Variants in NKAIN3 observed in about 807,000 individuals in gnomAD.
NKAIN3 encodes the protein sodium/potassium transporting ATPase interacting 3, also known as sodium/potassium-transporting ATPase subunit beta-1-interacting protein 3.
In NKAIN3, 25 loss-of-function variants were observed where a neutral mutation model predicts 30.2. The ratio of observed to expected loss-of-function variants is 0.83; its 90% CI spans 0.60 to 1.16. The LOEUF (loss-of-function observed/expected upper bound fraction) is 1.16. Ranked by LOEUF, NKAIN3 falls within the 50% of genes most tolerant of loss-of-function variation. The pLI is 0.00. For missense variants in NKAIN3, 225 were observed against 254.1 expected (o/e 0.89, Z 0.78); for synonymous variants, 91 against 89.6 (o/e 1.02, Z -0.09).
At chr8:62,385,178 G>A (rs147650552) in intron 1 of NKAIN3, among the ~76,000 whole-genome samples, 1 of 152,214 alleles carries the variant, frequency 6.6e-6, no homozygotes, top group East Asian at 1.9e-4. Context: ...CCCTAATGGA[G>A]GTAATCATTG....
At chr8:62,829,683 A>C (rs1335856081) in intron 4 of NKAIN3, among the ~76,000 whole-genome samples, 1 of 152,200 alleles carries the variant, frequency 6.6e-6, no homozygotes, top group Non-Finnish European at 1.5e-5. Context: ...GAATGATAAC[A>C]TGAAGGCAAG....
At chr8:62,834,785 T>G (rs1819307660) in intron 4 of NKAIN3, among the ~76,000 whole-genome samples, 1 of 152,078 alleles carries the variant, frequency 6.6e-6, no homozygotes, top group Non-Finnish European at 1.5e-5. Flanking sequence ...TCAATGTTAT[T>G]CCTATCAAAT....
chr8:62,367,888 A>G lies in NKAIN3; in HGVS notation c.54+118761A>G, dbSNP rs1012428013. ...AATGAATTCAGTAAAGTTAGAGGAT[A>G]TGAAGTCAGCATACAAAAGTCAGTA... is the stretch of plus-strand genomic sequence containing the variant. On this transcript the variant is annotated intron_variant, in intron 1 of 6. Coordinates refer to ENST00000623646, the MANE Select transcript of NKAIN3 (RefSeq NM_001304533.3). Among the ~76,000 whole-genome samples the G allele has an allele frequency of 2.0e-5, 3 of 152,176 alleles. No individual in the cohort carries two copies. In the East Asian group the frequency reaches 5.8e-4, roughly 29 times the overall value.
intron 1 of NKAIN3, among the ~76,000 whole-genome samples, chr8:62,576,256 A>G (rs1018578856): frequency 1.3e-5 from 2 of 152,164 alleles, no homozygotes; most frequent in African/African-American, 4.8e-5. Context: ...AAGGAACTCA[A>G]ACATCTCTAT....
intron 1 of NKAIN3, among the ~76,000 whole-genome samples, chr8:62,400,621 T>G (rs979462016): frequency 6.6e-6 from 1 of 152,168 alleles, no homozygotes; most frequent in Non-Finnish European, 1.5e-5. Context: ...AGCTTTTTTT[T>G]GTCTGGGAAA....
chr8:62,808,020 T>A (rs956531485), intron 4 of NKAIN3, among the ~76,000 whole-genome samples: 3 of 152,114 alleles, frequency 2.0e-5, no homozygotes, highest in Admixed American at 6.6e-5. Context: ...TAAACTAATT[T>A]AAAATTTTAT....
chr8:62,787,779 G>T (rs1817571014), intron 4 of NKAIN3, among the ~76,000 whole-genome samples: 1 of 152,014 alleles, frequency 6.6e-6, no homozygotes, highest in South Asian at 2.1e-4. Flanking sequence ...AACATGTGGT[G>T]TTTGGTTTTT....
At chr8:62,885,294 C>A (rs980237713) in intron 4 of NKAIN3, among the ~76,000 whole-genome samples, 1 of 152,178 alleles carries the variant, frequency 6.6e-6, no homozygotes, top group African/African-American at 2.4e-5. Context: ...GATTTTCCAG[C>A]TATCTTTCCA....
rs1224479215 is a variant in NKAIN3 at position 62,883,221 on chromosome 8, T to A, written c.472-35232T>A. On this transcript the variant is annotated intron_variant, in intron 4 of 6. Coordinates refer to ENST00000623646, the MANE Select transcript of NKAIN3 (RefSeq NM_001304533.3). ...GAGGTGTGTCTTCTATTATTTAGTC[T>A]TTTGATTTCTTTAGTCAGAGCTTTG... Among the ~76,000 whole-genome samples, 3 of 152,164 alleles carry A rather than the reference T, an allele frequency of 2.0e-5. No homozygotes were observed. In the East Asian group the frequency reaches 5.8e-4, roughly 29 times the overall value.
chr8:62,939,172 G>A (rs377260949), intron 5 of NKAIN3, among the ~76,000 whole-genome samples: 11 of 152,066 alleles, frequency 7.2e-5, no homozygotes, highest in African/African-American at 2.7e-4. Flanking sequence ...TCAAAAACAA[G>A]GCTTTTGCAT....
At chr8:62,592,434 A>G (rs12155831) in intron 3 of NKAIN3, among the ~76,000 whole-genome samples, 55,448 of 151,926 alleles carry the variant, frequency 0.36, 12,023 homozygotes, top group Non-Finnish European at 0.49. Flanking sequence ...ATTTAAGACT[A>G]TAGAAAGAAA....
chr8:62,921,969 T>C (rs1267986170), intron 5 of NKAIN3, among the ~76,000 whole-genome samples: 1 of 152,226 alleles, frequency 6.6e-6, no homozygotes, highest in Non-Finnish European at 1.5e-5. Flanking sequence ...CTACTTCTTC[T>C]GATATTAGGC....
intron 1 of NKAIN3, among the ~76,000 whole-genome samples, chr8:62,518,797 T>C (rs1186267830): frequency 6.6e-6 from 1 of 152,154 alleles, no homozygotes; most frequent in East Asian, 1.9e-4. Flanking sequence ...ATCTCAGCTG[T>C]TGCTAAGACA....
At chr8:62,887,395 G>A (rs550805486) in intron 4 of NKAIN3, among the ~76,000 whole-genome samples, 1 of 151,852 alleles carries the variant, frequency 6.6e-6, no homozygotes, top group Admixed American at 6.6e-5. Flanking sequence ...GGATCTGTGG[G>A]TTGATATCTG....
intron 3 of NKAIN3, among the ~76,000 whole-genome samples, chr8:62,636,757 A>G (rs1214834663): frequency 6.6e-6 from 1 of 152,224 alleles, no homozygotes; most frequent in East Asian, 1.9e-4. Flanking sequence ...ACAACAAAAA[A>G]TCATGTCACT....
At chr8:62,601,966 A>C (rs1399234870) in intron 3 of NKAIN3, among the ~76,000 whole-genome samples, 1 of 152,050 alleles carries the variant, frequency 6.6e-6, no homozygotes, top group Non-Finnish European at 1.5e-5. Context: ...CTTTTCTACA[A>C]TAAAGAAAAT....
At chr8:62,279,274 C>G (rs868003252) in intron 1 of NKAIN3, among the ~76,000 whole-genome samples, 2 of 152,082 alleles carry the variant, frequency 1.3e-5, no homozygotes, top group Admixed American at 6.6e-5. Flanking sequence ...GGATATTAGC[C>G]CTTTTTCAGG....
chr8:62,751,250 A>C lies in NKAIN3; in HGVS notation c.471+4121A>C, dbSNP rs190167054. ...CCTACCCCACCTGGGCTCCTTATCC[A>C]CCTAGCTCCTAGCAGACATCTTCCC... On this transcript the variant is annotated intron_variant, in intron 4 of 6. Coordinates refer to ENST00000623646, the MANE Select transcript of NKAIN3 (RefSeq NM_001304533.3). Among the ~76,000 whole-genome samples the C allele has an allele frequency of 8.1e-4, 123 of 152,126 alleles. 1 individual carries two copies. In the Middle Eastern group the frequency reaches 0.01, roughly 13 times the overall value.
At chr8:62,937,948 C>A (rs1214893944) in intron 5 of NKAIN3, among the ~76,000 whole-genome samples, 1 of 151,988 alleles carries the variant, frequency 6.6e-6, no homozygotes, top group Non-Finnish European at 1.5e-5. Flanking sequence ...ACTACCCTGG[C>A]AACCTGTATG....
Sources: gnomAD v4.1 joint callset for allele counts (sites outside exome capture counted in the v4.1 genomes callset) on GRCh38, gnomAD v4.1.1 for gene constraint, MANE v1.5 for transcripts, NCBI Gene and HGNC (gene_info 2026-07-23, HGNC 2026-07-21) for gene names.